Variants in S100A16 observed in about 807,000 individuals in gnomAD.
S100A16 encodes S100 calcium binding protein A16.
Under a neutral mutation model 9.0 loss-of-function variants are expected in S100A16, and 8 were observed. That is an observed-to-expected ratio of 0.89 (90% confidence interval 0.52 to 1.60). S100A16 has a LOEUF of 1.60. Ranked by LOEUF, S100A16 falls within the 40% of genes most tolerant of loss-of-function variation. The probability of loss-of-function intolerance (pLI) is 0.00; values close to 1 mark genes in which losing one functional copy is unlikely to be tolerated. For missense variants in S100A16, 138 were observed against 132.4 expected, an observed-to-expected ratio of 1.04 and a Z score of -0.21; for synonymous variants, 51 against 51.4, an observed-to-expected ratio of 0.99 and a Z score of 0.04.
Position 153,607,960 on chromosome 1 carries a change from G to A in S100A16, c.153+39C>T, listed in dbSNP as rs1011476469. Reference sequence around the variant, plus strand: ...GGCCAGAGGCTTGCAGGGGAGGGAAGGGGAGAGGGAGGCAAGGCCCTTGGG... The same window carrying A: ...GGCCAGAGGCTTGCAGGGGAGGGAAAGGGAGAGGGAGGCAAGGCCCTTGGG... On this transcript the variant is annotated intron_variant, in intron 2 of 2. Coordinates refer to ENST00000368706, the MANE Select transcript of S100A16 (RefSeq NM_080388.3). 10 of 1,600,482 alleles carry A rather than the reference G, an allele frequency of 6.2e-6. No individual in the cohort carries two copies. The East Asian group carries it at 8.9e-5, about 14-fold the overall frequency.
rs1242430197 is a variant in S100A16, at chr1:153,607,518, G to A, written c.*16C>T. ...GGCATCAGGCCAGTGCCTGGAAGGTGTGGCCAAAGGGGTCTCTAGCTGCTG... is the reference window on the plus strand; with the variant it reads ...GGCATCAGGCCAGTGCCTGGAAGGTATGGCCAAAGGGGTCTCTAGCTGCTG... On this transcript the variant is annotated 3_prime_UTR_variant, in exon 3 of 3. Transcript: ENST00000368706. 1.9e-6 allele frequency: 3 copies of A among 1,613,842 alleles called. No individual in the cohort carries two copies. Among genetic ancestry groups the A allele is most frequent in the Non-Finnish European group, 2.5e-6 (3 of 1,180,000 alleles).
chr1:153,611,952 C>CACACACACACACACACACACACA (rs3222904), intron 1 of S100A16, among the ~76,000 whole-genome samples: 1 of 150,138 alleles, frequency 6.7e-6, no homozygotes, highest in Non-Finnish European at 1.5e-5. Context: ...CACACACACA[C>CACACACACACACACACACACACA]CGAGCAAGGA....
At chr1:153,611,915 T>TCACACACACACACA (rs1250361327) in intron 1 of S100A16, among the ~76,000 whole-genome samples, 17 of 79,714 alleles carry the variant, frequency 2.1e-4, no homozygotes, top group South Asian at 8.6e-4. Flanking sequence ...TTTGTCTCTC[T>TCACACACACACACA]CTCACACACA....
intron 1 of S100A16, among the ~76,000 whole-genome samples, chr1:153,609,640 T>C (rs191502023): frequency 7.6e-4 from 116 of 152,320 alleles, no homozygotes; most frequent in African/African-American, 2.6e-3. Context: ...GACAGTTTTT[T>C]CAATCCTGGA....
At chr1:153,612,719 G>T (rs561311627) in intron 1 of S100A16, among the ~76,000 whole-genome samples, 2 of 152,010 alleles carry the variant, frequency 1.3e-5, no homozygotes, top group African/African-American at 2.4e-5. Flanking sequence ...CAGGGAGGGG[G>T]TCTCACCATC....
In S100A16 at chr1:153,607,334, G is replaced by A; in HGVS notation, c.*200C>T. The A allele has an allele frequency of 1.5e-6, 1 of 656,894 alleles. No homozygotes were observed. The highest frequency in any genetic ancestry group is 1.8e-5 in the African/African-American group (1 of 54,952). The allele number at this position is 656,894 out of a possible 1,614,324, so 40.7% of individuals were successfully genotyped here. A position where few individuals can be genotyped will look rare whatever the true frequency, so the allele number is the denominator to read the frequency against. Reference sequence around the variant, plus strand: ...GCCCCAAGGGCCTGCGACTCCAGGAGCTGAGACCCCCCAGGGAGGGAGGTA... The same window carrying A: ...GCCCCAAGGGCCTGCGACTCCAGGAACTGAGACCCCCCAGGGAGGGAGGTA... On this transcript the variant is annotated 3_prime_UTR_variant, in exon 3 of 3. Coordinates refer to ENST00000368706, the MANE Select transcript of S100A16 (RefSeq NM_080388.3).
chr1:153,612,697 C>T (rs946966865), intron 1 of S100A16, among the ~76,000 whole-genome samples: 1 of 152,134 alleles, frequency 6.6e-6, no homozygotes, highest in Admixed American at 6.5e-5. Flanking sequence ...GGAGCTCCGT[C>T]AGCTGCTGCG....
intron 1 of S100A16, chr1:153,608,764 G>T: frequency 3.8e-6 from 1 of 264,424 alleles, no homozygotes; most frequent in Non-Finnish European, 5.9e-6. Context: ...GAAAGGACAA[G>T]GTCCAGATCA....
At chr1:153,611,881 C>T (rs1463730616) in intron 1 of S100A16, among the ~76,000 whole-genome samples, 10 of 133,456 alleles carry the variant, frequency 7.5e-5, no homozygotes, top group African/African-American at 2.6e-4. Context: ...TTACCATCCT[C>T]ACAGGATTCT....
chr1:153,608,232 C>T, intron 1 of S100A16, 55 bp from the exon 2 acceptor site: 5 of 1,489,776 alleles, frequency 3.4e-6, no homozygotes, highest in Non-Finnish European at 4.6e-6. Flanking sequence ...CATACCTCCT[C>T]CTCCTCCACA....
chr1:153,609,013 C>G (rs1666772744), intron 1 of S100A16: 1 of 985,610 alleles, frequency 1.0e-6, no homozygotes, highest in African/African-American at 1.7e-5. Context: ...AAGACACTTT[C>G]TAAGCGGATA....
chr1:153,609,431 AC>A, intron 1 of S100A16: 3 of 898,984 alleles, frequency 3.3e-6, no homozygotes, highest in Non-Finnish European at 2.7e-6. Context: ...GCCTGCCTTG[AC>A]CCCTGCACTG....
chr1:153,607,644 C>A lies in S100A16; in HGVS notation c.202G>T (p.Ala68Ser). 6.2e-7 allele frequency: 1 copy of A among 1,614,198 alleles called. No homozygotes were observed. Among genetic ancestry groups the A allele is most frequent in the Non-Finnish European group, 8.5e-7 (1 of 1,180,022 alleles). The change falls in exon 3 of 3, where the codon GCC becomes TCC. Residue 68 changes from alanine (A) to serine (S), a missense_variant. Transcript: ENST00000368706. ...AADKLIQNLD[A>S]NHDGRISFDE... is the part of the protein sequence containing the mutation. Reference sequence around the variant, plus strand: ...AAGCTGATGCGCCCATCATGATTGGCATCCAGGTTCTGGATGAGCTTATCC... The same window carrying A: ...AAGCTGATGCGCCCATCATGATTGGAATCCAGGTTCTGGATGAGCTTATCC...
chr1:153,607,557 G>C lies in S100A16; in HGVS notation c.289C>G (p.Gln97Glu). ...TGPIAKLIHE[Q>E]EQQSSS ...CTCTAGCTGCTGCTCTGCTGCTCCT[G>C]CTCATGGATGAGTTTGGCGATGGGG... is the stretch of plus-strand genomic sequence containing the variant. The change falls in exon 3 of 3, where the codon CAG (glutamine) becomes GAG (glutamate). Residue 97 changes from glutamine to glutamate, a missense_variant. Gln to Glu is a conservative substitution (Grantham distance 29). Coordinates refer to ENST00000368706, the MANE Select transcript of S100A16 (RefSeq NM_080388.3). 1 of 1,614,212 alleles carries C rather than the reference G, an allele frequency of 6.2e-7. No individual in the cohort carries two copies. Among genetic ancestry groups the C allele is most frequent in the Non-Finnish European group, 8.5e-7 (1 of 1,180,012 alleles).
At position 153,607,618 on chromosome 1, in the gene S100A16, G is replaced by A. The variant is rs1245491182; in HGVS notation, c.228C>T (p.Phe76=). The change falls in exon 3 of 3, where the codon TTC becomes TTT. Residue 76 remains phenylalanine (F), a synonymous_variant. Transcript: ENST00000368706. ...LDANHDGRIS[F]DEYWTLIGGI... ...CGCCTATCAAGGTCCAGTACTCATC[G>A]AAGCTGATGCGCCCATCATGATTGG... The A allele has an allele frequency of 2.0e-5, 33 of 1,614,066 alleles. No individual in the cohort carries two copies. The highest frequency in any genetic ancestry group is 2.5e-5 in the Non-Finnish European group (30 of 1,180,018).
chr1:153,608,790 G>T, intron 1 of S100A16: 1 of 374,444 alleles, frequency 2.7e-6, no homozygotes, highest in Non-Finnish European at 3.7e-6. Context: ...ATCAGATTTT[G>T]TGCAGCTCTC....
intron 1 of S100A16, chr1:153,609,040 A>G: frequency 2.0e-6 from 2 of 985,598 alleles, no homozygotes; most frequent in Non-Finnish European, 2.4e-6. Context: ...TCTGAATAAC[A>G]GGATATGAGG....
chr1:153,608,331 G>A (rs746457207), intron 1 of S100A16, 154 bp from the exon 2 acceptor site: 4 of 637,442 alleles, frequency 6.3e-6, no homozygotes, highest in African/African-American at 1.8e-5. Context: ...AGTGGGTGGG[G>A]GAGAGTGAGC....
chr1:153,611,050 C>T (rs940590873), intron 1 of S100A16, among the ~76,000 whole-genome samples: 1 of 152,004 alleles, frequency 6.6e-6, no homozygotes, highest in Non-Finnish European at 1.5e-5. Context: ...CCAATGGGCC[C>T]TCTCACCTCA....
Sources: allele counts gnomAD v4.1 joint callset (sites outside exome capture counted in the v4.1 genomes callset), GRCh38; gene constraint gnomAD v4.1.1; transcripts MANE v1.5; gene names NCBI Gene and HGNC (gene_info 2026-07-23, HGNC 2026-07-21).